The following NCAPD2 variants were observed in gnomAD, a reference collection of about 807,000 sequenced individuals.
The protein encoded by NCAPD2 is condensin complex subunit 1.
Under a neutral mutation model 164.5 loss-of-function variants are expected in NCAPD2, and 100 were observed. The ratio of observed to expected loss-of-function variants is 0.61; its 90% CI spans 0.52 to 0.72. NCAPD2 has a LOEUF of 0.72. Ranked by LOEUF, NCAPD2 falls within the 30% of genes least tolerant of loss-of-function variation. The pLI is 0.00. For synonymous variants in NCAPD2, 585 were observed against 642.6 expected (o/e 0.91, Z 1.36); for missense variants, 1,560 against 1,749.2 (o/e 0.89, Z 1.93).
chr12:6,494,947 C>G (rs533794795), intron 1 of NCAPD2, 129 bp from the exon 2 acceptor site: 2 of 887,818 alleles, frequency 2.3e-6, no homozygotes, highest in African/African-American at 3.4e-5. Context: ...CTAACAAAAC[C>G]AGATGATGTT....
intron 2 of NCAPD2, among the ~76,000 whole-genome samples, chr12:6,499,308 C>G (rs1219337100): frequency 6.6e-6 from 1 of 151,826 alleles, no homozygotes; most frequent in Non-Finnish European, 1.5e-5. Flanking sequence ...ACCTCCTGGG[C>G]TCAAGCAATT....
In NCAPD2 at chr12:6,521,982, G is replaced by A; in HGVS notation, c.1899G>A (p.Lys633=). The change falls in exon 15 of 32, where the codon AAG becomes AAA. Residue 633 remains lysine (K), a synonymous_variant. Coordinates refer to ENST00000315579, the MANE Select transcript of NCAPD2 (RefSeq NM_014865.4). The part of the protein sequence containing the change: ...YLQDAYSFSR[K]ITEAIGIISK... ...AGGATGCCTACAGCTTCTCCCGGAA[G>A]ATTACAGAGGCCATTGGCATCATCA... is the stretch of plus-strand genomic sequence containing the variant. 6.2e-7 allele frequency: 1 copy of A among 1,614,204 alleles called. No individual in the cohort carries two copies. Among genetic ancestry groups the A allele is most frequent in the South Asian group, 1.1e-5 (1 of 91,088 alleles).
chr12:6,529,211 C>T, intron 27 of NCAPD2, 172 bp downstream of exon 27: 1 of 641,722 alleles, frequency 1.6e-6, no homozygotes, highest in East Asian at 2.7e-5. Flanking sequence ...GATACTTAAC[C>T]CTTAGTTCTT....
intron 16 of NCAPD2, 118 bp downstream of exon 16, chr12:6,523,120 T>A: frequency 6.9e-7 from 1 of 1,445,326 alleles, no homozygotes; most frequent in East Asian, 2.3e-5. Context: ...CCATAGGCAG[T>A]CCATCATAGT....
In NCAPD2 at chr12:6,530,621, T is replaced by C. The variant is rs948969472; in HGVS notation, c.3838-70T>C. 4 of 1,594,382 alleles carry C rather than the reference T, an allele frequency of 2.5e-6. No homozygotes were observed. The African/African-American group carries it at 5.4e-5, about 22-fold the overall frequency. ...GCGTTTAAGGCCTCCATGTCTTCCA[T>C]GGCCTTGTTTCTTTTTAATCAGAAG... On this transcript the variant is annotated intron_variant, in intron 29 of 31. Coordinates refer to ENST00000315579, the MANE Select transcript of NCAPD2 (RefSeq NM_014865.4).
chr12:6,505,872 AAAAC>A (rs1198104812), intron 2 of NCAPD2, among the ~76,000 whole-genome samples: 1 of 152,122 alleles, frequency 6.6e-6, no homozygotes, highest in East Asian at 1.9e-4. Context: ...CAGAAAAACA[AAAAC>A]AAATAATATT....
intron 6 of NCAPD2, among the ~76,000 whole-genome samples, chr12:6,513,715 C>CTTTTTTTT (rs71067124): frequency 0.015 from 1,123 of 74,794 alleles, 315 homozygotes; most frequent in African/African-American, 0.063. Flanking sequence ...GTGACTTTGT[C>CTTTTTTTT]TTTTTTTTTT....
chr12:6,526,833 G>A lies in NCAPD2; in HGVS notation c.2735-58G>A. 5 of 1,549,314 alleles carry A rather than the reference G, an allele frequency of 3.2e-6. No individual in the cohort carries two copies. In the South Asian group the frequency reaches 6.1e-5, roughly 19 times the overall value. On this transcript the variant is annotated intron_variant, in intron 21 of 31. Coordinates refer to ENST00000315579, the MANE Select transcript of NCAPD2 (RefSeq NM_014865.4). ...GGAAGATCAGTAAAAATCGGATTCA[G>A]GTTTGATGGGACTTAAAAATGTCTC...
chr12:6,518,545 C>T (rs1289310402), intron 13 of NCAPD2, among the ~76,000 whole-genome samples: 2 of 26,568 alleles, frequency 7.5e-5, no homozygotes, highest in African/African-American at 4.1e-4. Flanking sequence ...GAGATGGAGT[C>T]TCACTCACTC....
intron 6 of NCAPD2, among the ~76,000 whole-genome samples, chr12:6,512,548 G>T (rs558407456): frequency 3.9e-5 from 6 of 152,240 alleles, no homozygotes; most frequent in Admixed American, 6.5e-5. Context: ...GGGTTAGGCC[G>T]TGAGGCCATG....
At position 6,517,892 on chromosome 12, in the gene NCAPD2, G is replaced by T. The variant is rs752448560; in HGVS notation, c.1522G>T (p.Ala508Ser). 2 of 1,614,030 alleles carry T rather than the reference G, an allele frequency of 1.2e-6. No individual in the cohort carries two copies. The highest frequency in any genetic ancestry group is 2.7e-5 in the African/African-American group (2 of 74,934). ...QGEEEIPEQI[A>S]NTETTEDVKG... ...AGAGGAGGAGATTCCTGAGCAAATTGCCAATACAGAGACAACTGAAGATGT... is the reference window on the plus strand; with the variant it reads ...AGAGGAGGAGATTCCTGAGCAAATTTCCAATACAGAGACAACTGAAGATGT... Residue 508 changes from alanine to serine, a missense_variant, in exon 13 of 32, where the codon GCC (alanine) becomes TCC (serine). Physicochemically the swap from Ala to Ser is moderately conservative, Grantham distance 99. Transcript: ENST00000315579.
intron 15 of NCAPD2, 54 bp downstream of exon 15, chr12:6,522,091 T>G: frequency 6.4e-7 from 1 of 1,564,696 alleles, no homozygotes; most frequent in East Asian, 2.3e-5. Flanking sequence ...TTGGATTTTT[T>G]AATTTTTTAA....
At position 6,514,794 on chromosome 12, in the gene NCAPD2, C is replaced by G; in HGVS notation, c.861C>G (p.Pro287=). 1 of 1,614,120 alleles carries G rather than the reference C, an allele frequency of 6.2e-7. No homozygotes were observed. Among genetic ancestry groups the G allele is most frequent in the Non-Finnish European group, 8.5e-7 (1 of 1,180,020 alleles). ...GTAGAGAGATTGGACAAAAGTGTCC[C>G]CAAGAGCTGAGTCGAGACCCTTCAG... ...EIVREIGQKC[P]QELSRDPSGT... Residue 287 remains proline, a synonymous_variant, in exon 9 of 32, where the codon CCC becomes CCG. Transcript: ENST00000315579.
chr12:6,499,457 G>A (rs372438769), intron 2 of NCAPD2, among the ~76,000 whole-genome samples: 3 of 151,998 alleles, frequency 2.0e-5, no homozygotes, highest in East Asian at 3.9e-4. Flanking sequence ...GCAAGGTATC[G>A]GCTCACTGCA....
Position 6,528,347 on chromosome 12 carries a change from C to T in NCAPD2, c.3299+19C>T, listed in dbSNP as rs765307932. 7.4e-6 allele frequency: 12 copies of T among 1,613,096 alleles called. 1 individual carries two copies. The highest frequency in any genetic ancestry group is 1.8e-4 in the Middle Eastern group (1 of 5,680). The stretch of plus-strand genomic sequence containing the variant: ...ATGCTCGGTAAGAGACCCCTCACAA[C>T]GTGGTGGCAGTTCCCAGGAGCCCCG... On this transcript the variant is annotated intron_variant, in intron 25 of 31. Transcript: ENST00000315579. This position sits in a 1 kb window ranked among gnomAD's most constrained non-coding sequence, Gnocchi z 5.1.
rs764416394 is a variant in NCAPD2 at position 6,530,841 on chromosome 12, C to T, written c.3964+24C>T. The T allele has an allele frequency of 1.4e-5, 22 of 1,614,080 alleles. No homozygotes were observed. In the East Asian group the frequency reaches 2.5e-4, roughly 18 times the overall value. On this transcript the variant is annotated intron_variant, in intron 30 of 31. Coordinates refer to ENST00000315579, the MANE Select transcript of NCAPD2 (RefSeq NM_014865.4). ...TGGTACGTAAGGCAGCCTGTGCGGG[C>T]GAGACCAGACTGGGCCCTCCCCTCC...
At chr12:6,518,514 T>TTTTGTTTTG (rs1242344227) in intron 13 of NCAPD2, among the ~76,000 whole-genome samples, 1 of 107,096 alleles carries the variant, frequency 9.3e-6, no homozygotes, top group African/African-American at 4.0e-5. Context: ...GTTTTTTTTT[T>TTTTGTTTTG]TTTTTTTTTT....
Position 6,517,785 on chromosome 12 carries a change from T to G in NCAPD2, c.1415T>G (p.Val472Gly), listed in dbSNP as rs1946218332. 9 of 1,614,116 alleles carry G rather than the reference T, an allele frequency of 5.6e-6. No individual in the cohort carries two copies. Among genetic ancestry groups the G allele is most frequent in the Non-Finnish European group, 6.8e-6 (8 of 1,180,000 alleles). The stretch of plus-strand genomic sequence containing the variant: ...AAGTGACACTCTCATTTAGCTGCAG[T>G]GCTGGACCCAGAGGAGGAGTGGGAA... ...AQRRTAAASA[V>G]LDPEEEWEAM... Residue 472 changes from valine (V) to glycine (G), a missense_variant, in exon 13 of 32, where the codon GTG (valine) becomes GGG (glycine). Physicochemically the swap from Val to Gly is moderately radical, Grantham distance 109. Coordinates refer to ENST00000315579, the MANE Select transcript of NCAPD2 (RefSeq NM_014865.4).
At chr12:6,500,057 G>A (rs1449295521) in intron 2 of NCAPD2, among the ~76,000 whole-genome samples, 1 of 152,052 alleles carries the variant, frequency 6.6e-6, no homozygotes, top group Non-Finnish European at 1.5e-5. Flanking sequence ...CAGGAGGCAG[G>A]GGCTGCAGTG....
Sources: gnomAD v4.1 joint callset for allele counts (sites outside exome capture counted in the v4.1 genomes callset) on GRCh38, gnomAD v4.1.1 for gene constraint, Gnocchi (gnomAD v3.1) non-coding constraint, MANE v1.5 for transcripts, NCBI Gene and HGNC (gene_info 2026-07-23, HGNC 2026-07-21) for gene names.